FBN1: variants seen among roughly 807,000 people sequenced by gnomAD.
FBN1 encodes the protein fibrillin-1.
In FBN1, 29 loss-of-function variants were observed where a neutral mutation model predicts 365.1. That is an observed-to-expected ratio of 0.08 (90% confidence interval 0.06 to 0.11). The LOEUF (loss-of-function observed/expected upper bound fraction) is 0.11, where lower values mean the gene tolerates loss of function less well. FBN1 is among the 10% of genes least tolerant of loss of function. The pLI is 1.00. For missense variants in FBN1, 2,476 were observed against 3,703.2 expected (o/e 0.67, Z 8.60); for synonymous variants, 1,210 against 1,270.5 (o/e 0.95, Z 1.01).
At position 48,463,947 on chromosome 15, in the gene FBN1, T is replaced by C; in HGVS notation, c.5017A>G (p.Ile1673Val). The change falls in exon 41 of 66, where the codon ATC becomes GTC. Residue 1673 changes from isoleucine (I) to valine (V), a missense_variant. Transcript: ENST00000316623. ...CYNTVGNYTC[I>V]CPPDYMQVNG... ...ACTTGCATGTAGTCTGGAGGACAGA[T>C]ACAGGTGTAGTTGCCAACGGTGTTG... is the stretch of plus-strand genomic sequence containing the variant. 2 of 1,613,960 alleles carry C rather than the reference T, an allele frequency of 1.2e-6. No homozygotes were observed. Among genetic ancestry groups the C allele is most frequent in the African/African-American group, 1.3e-5 (1 of 75,054 alleles).
At chr15:48,567,971 C>T (rs144746814) in intron 6 of FBN1, among the ~76,000 whole-genome samples, 46 of 107,378 alleles carry the variant, frequency 4.3e-4, no homozygotes, top group African/African-American at 1.5e-3. Flanking sequence ...TGCAATGATG[C>T]AAAGAAAAGA....
intron 10 of FBN1, among the ~76,000 whole-genome samples, chr15:48,518,789 G>T (rs1157589681): frequency 1.3e-5 from 2 of 152,126 alleles, no homozygotes; most frequent in Non-Finnish European, 2.9e-5. Context: ...AATCCTTCCT[G>T]CATCACTCTC....
chr15:48,415,495 T>A, intron 64 of FBN1, 41 bp downstream of exon 64: 1 of 1,433,810 alleles, frequency 7.0e-7, no homozygotes, highest in Non-Finnish European at 9.8e-7. Flanking sequence ...ATATTACGAA[T>A]GAAAGAATCT....
intron 17 of FBN1, among the ~76,000 whole-genome samples, chr15:48,499,677 T>G (rs1228146525): frequency 6.6e-6 from 1 of 152,072 alleles, no homozygotes; most frequent in Non-Finnish European, 1.5e-5. Flanking sequence ...GTCCCCAAAT[T>G]TGAGATAGAA....
chr15:48,512,190 G>A (rs1229553671), intron 13 of FBN1, among the ~76,000 whole-genome samples: 1 of 152,160 alleles, frequency 6.6e-6, no homozygotes, highest in Non-Finnish European at 1.5e-5. Context: ...TTTGAAGCCA[G>A]TTCACTGATA....
chr15:48,456,407 CTG>C (rs1225711653), intron 44 of FBN1, among the ~76,000 whole-genome samples: 2 of 152,140 alleles, frequency 1.3e-5, no homozygotes, highest in South Asian at 4.2e-4. Context: ...TATTAACACA[CTG>C]TGTGTTGGGG....
At chr15:48,506,562 AACGGAGATGTAAGGT>A (rs2043709513) in intron 15 of FBN1, among the ~76,000 whole-genome samples, 1 of 152,252 alleles carries the variant, frequency 6.6e-6, no homozygotes, top group African/African-American at 2.4e-5. Flanking sequence ...TTTTAATAAG[AACGGAGATGTAAGGT>A]AGATCCAAAG....
chr15:48,540,955 T>G (rs909737538), intron 6 of FBN1, among the ~76,000 whole-genome samples: 1 of 152,168 alleles, frequency 6.6e-6, no homozygotes, highest in Non-Finnish European at 1.5e-5. Context: ...ATATGAGGAT[T>G]GCCAAGGTTC....
intron 54 of FBN1, among the ~76,000 whole-genome samples, chr15:48,433,442 CCT>C (rs149243673): frequency 0.017 from 2,590 of 152,270 alleles, 54 homozygotes; most frequent in African/African-American, 0.052. Flanking sequence ...TTGTTAACCA[CCT>C]CTCTTTCCCC....
chr15:48,492,393 C>G, intron 24 of FBN1, 68 bp downstream of exon 24: 1 of 1,522,884 alleles, frequency 6.6e-7, no homozygotes, highest in Non-Finnish European at 9.1e-7. Context: ...TCAGCTATAT[C>G]TTGTTAACTT....
intron 24 of FBN1, among the ~76,000 whole-genome samples, chr15:48,490,687 C>G (rs2043550838): frequency 6.6e-6 from 1 of 152,228 alleles, no homozygotes; most frequent in Non-Finnish European, 1.5e-5. Flanking sequence ...TGGGATACCT[C>G]TAGCCCCAAA....
intron 8 of FBN1, among the ~76,000 whole-genome samples, chr15:48,532,395 CTTG>C (rs994801016): frequency 2.0e-5 from 3 of 148,252 alleles, no homozygotes; most frequent in Admixed American, 1.3e-4. Context: ...ACTTTAATGG[CTTG>C]TTAAGTTAAT....
At chr15:48,519,082 C>G (rs1193970289) in intron 10 of FBN1, among the ~76,000 whole-genome samples, 1 of 152,170 alleles carries the variant, frequency 6.6e-6, no homozygotes, top group Non-Finnish European at 1.5e-5. Context: ...CACATCAAAG[C>G]TGCTGATTCC....
rs185384121 is a variant in FBN1, at chr15:48,621,726, C to T, written c.165-8634G>A. On this transcript the variant is annotated intron_variant, in intron 2 of 65. Coordinates refer to ENST00000316623, the MANE Select transcript of FBN1 (RefSeq NM_000138.5). Reference sequence around the variant, plus strand: ...TTCATTGGTTGGGCACGATGGCTCACGCCTGTAATCCCAGTACTTTCGGAG... The same window carrying T: ...TTCATTGGTTGGGCACGATGGCTCATGCCTGTAATCCCAGTACTTTCGGAG... 2.5e-3 allele frequency among the ~76,000 whole-genome samples: 379 copies of T among 152,238 alleles called. 1 individual carries two copies. Among genetic ancestry groups the T allele is most frequent in the African/African-American group, 8.7e-3 (362 of 41,540 alleles).
intron 6 of FBN1, among the ~76,000 whole-genome samples, chr15:48,569,738 A>C (rs978750008): frequency 6.6e-6 from 1 of 152,196 alleles, no homozygotes; most frequent in Non-Finnish European, 1.5e-5. Context: ...AAAGGTCCAG[A>C]AAAGGCATAT....
intron 6 of FBN1, among the ~76,000 whole-genome samples, chr15:48,568,992 G>C (rs564054634): frequency 3.9e-4 from 59 of 152,070 alleles, no homozygotes; most frequent in Non-Finnish European, 7.2e-4. Flanking sequence ...TGATAATTTA[G>C]ACATCATCAA....
chr15:48,539,753 T>A (rs1286068736), intron 6 of FBN1, among the ~76,000 whole-genome samples: 1 of 152,118 alleles, frequency 6.6e-6, no homozygotes, highest in Non-Finnish European at 1.5e-5. Flanking sequence ...CCCACCCACC[T>A]TTCCAGCCCT....
intron 41 of FBN1, 99 bp downstream of exon 41, chr15:48,463,800 C>G: frequency 7.6e-7 from 1 of 1,315,474 alleles, no homozygotes; most frequent in Non-Finnish European, 1.1e-6. Flanking sequence ...AGCACTCAGT[C>G]TGATGAGTAA....
chr15:48,521,663 C>T (rs1284122100), intron 9 of FBN1, among the ~76,000 whole-genome samples: 1 of 152,184 alleles, frequency 6.6e-6, no homozygotes, highest in Non-Finnish European at 1.5e-5. Flanking sequence ...CATAGGAAAA[C>T]CTAACTTCTC....
Sources: gnomAD v4.1 joint callset for allele counts (sites outside exome capture counted in the v4.1 genomes callset) on GRCh38, gnomAD v4.1.1 for gene constraint, MANE v1.5 for transcripts, NCBI Gene and HGNC (gene_info 2026-07-23, HGNC 2026-07-21) for gene names.